The following NFATC1 variants were observed in gnomAD, a reference collection of about 807,000 sequenced individuals.
The protein encoded by NFATC1 is nuclear factor of activated T-cells, cytoplasmic 1.
Under a neutral mutation model 76.0 loss-of-function variants are expected in NFATC1, and 22 were observed. That is an observed-to-expected ratio of 0.29 (90% CI 0.21 to 0.41). The LOEUF is 0.41. Ranked by LOEUF, NFATC1 falls within the 10% of genes least tolerant of loss-of-function variation. The pLI is 1.00. For synonymous variants in NFATC1, 704 were observed against 613.1 expected (o/e 1.15, Z -2.19); for missense variants, 1,357 against 1,337.7 (o/e 1.01, Z -0.23).
chr18:79,425,924 A>G (rs1376207822), intron 2 of NFATC1, among the ~76,000 whole-genome samples: 2 of 152,346 alleles, frequency 1.3e-5, no homozygotes, highest in East Asian at 3.9e-4. Flanking sequence ...ACGATAAATG[A>G]GTCCTGCACC....
intron 2 of NFATC1, among the ~76,000 whole-genome samples, chr18:79,412,462 AC>A (rs1285333105): frequency 3.0e-5 from 2 of 66,964 alleles, no homozygotes; most frequent in South Asian, 4.6e-4. Context: ...GTCCCTCCCC[AC>A]CCCCCACTCC....
chr18:79,473,505 C>T (rs2088873093), intron 8 of NFATC1, among the ~76,000 whole-genome samples: 2 of 150,618 alleles, frequency 1.3e-5, no homozygotes, highest in East Asian at 2.0e-4. Context: ...TCACTATCGA[C>T]GTAAACCTGA....
At chr18:79,483,322 TG>T (rs1229569908) in intron 8 of NFATC1, among the ~76,000 whole-genome samples, 3 of 125,654 alleles carry the variant, frequency 2.4e-5, no homozygotes, top group African/African-American at 9.5e-5. Flanking sequence ...ACCTGGTTCC[TG>T]GGGTGTCATT....
In NFATC1 at chr18:79,524,364, G is replaced by C. The variant is rs1352122178; in HGVS notation, c.2783-3164G>C. 6.6e-6 allele frequency among the ~76,000 whole-genome samples: 1 copy of C among 152,226 alleles called. No homozygotes were observed. Among genetic ancestry groups the C allele is most frequent in the Admixed American group, 6.5e-5 (1 of 15,292 alleles). ...TCGTCCGCGGTGTGGATGGGTGGGC[G>C]GTACAGCCTCCTCTGCGGTTCGGTT... On this transcript the variant is annotated intron_variant, in intron 9 of 9. Transcript: ENST00000427363. This position sits in a 1 kb window ranked among gnomAD's most constrained non-coding sequence, Gnocchi z 7.2.
At position 79,433,690 on chromosome 18, in the gene NFATC1, C is replaced by A; in HGVS notation, c.1338C>A (p.Gly446=). ...SHHRAHYETE[G]SRGAVKASAG... ...ACCGAGCCCACTACGAGACGGAGGG[C>A]AGCCGGGGGGCCGTGAAGGCGTCGG... Residue 446 remains glycine (G), a synonymous_variant, in exon 3 of 10, where the codon GGC becomes GGA. Transcript: ENST00000427363. 6.2e-7 allele frequency: 1 copy of A among 1,613,196 alleles called. No homozygotes were observed.
rs773511532 is a variant in NFATC1 at position 79,448,971 on chromosome 18, A to G, written c.1576A>G (p.Ser526Gly). 17 of 1,613,194 alleles carry G rather than the reference A, an allele frequency of 1.1e-5. No homozygotes were observed. In the South Asian group the frequency reaches 1.6e-4, roughly 16 times the overall value. ...VLEIPLLPEN[S>G]MRAVIDCAGI... ...GGAGATCCCACTCCTGCCGGAGAAC[A>G]GCATGCGAGCCGTGTAAGCCGCGGG... is the stretch of plus-strand genomic sequence containing the variant. Residue 526 changes from serine (S) to glycine (G), a missense_variant, in exon 4 of 10, where the codon AGC (serine) becomes GGC (glycine). This residue lies in a region of NFATC1 where 242 missense variants were observed against 329.2 expected (regional missense o/e 0.74). Coordinates refer to ENST00000427363, the MANE Select transcript of NFATC1 (RefSeq NM_001278669.2).
intron 9 of NFATC1, 22 bp from the exon 10 acceptor site, chr18:79,527,506 C>G: frequency 1.2e-6 from 2 of 1,606,270 alleles, no homozygotes; most frequent in African/African-American, 1.3e-5. Context: ...CTAATACTTT[C>G]TCAATTTTTC....
chr18:79,429,373 T>C (rs753123138), intron 2 of NFATC1, among the ~76,000 whole-genome samples: 1 of 152,136 alleles, frequency 6.6e-6, no homozygotes, highest in Non-Finnish European at 1.5e-5. Flanking sequence ...CCGAGCTTTT[T>C]TTTTTATTTT....
chr18:79,407,416 G>A (rs973825693), intron 1 of NFATC1, among the ~76,000 whole-genome samples: 1 of 152,176 alleles, frequency 6.6e-6, no homozygotes, highest in Admixed American at 6.5e-5. Context: ...CCCTGCCTGT[G>A]GCTCTGGGGA....
chr18:79,520,208 C>T (rs2090482136), intron 9 of NFATC1, among the ~76,000 whole-genome samples: 1 of 138,804 alleles, frequency 7.2e-6, no homozygotes, highest in Admixed American at 7.7e-5. Context: ...GGGGATCCCC[C>T]GCTGCGCTGC....
intron 3 of NFATC1, among the ~76,000 whole-genome samples, chr18:79,434,780 T>G (rs903562844): frequency 6.6e-6 from 1 of 152,238 alleles, no homozygotes; most frequent in African/African-American, 2.4e-5. Flanking sequence ...AAATGGCTGT[T>G]TGCCAACGCA....
intron 1 of NFATC1, chr18:79,400,617 G>A: frequency 1.3e-6 from 1 of 761,948 alleles, no homozygotes; most frequent in Non-Finnish European, 1.8e-6. Flanking sequence ...GCTACGGCGG[G>A]GGACGCTGCA....
At chr18:79,444,189 TGTG>T (rs535298157) in intron 3 of NFATC1, among the ~76,000 whole-genome samples, 20 of 152,170 alleles carry the variant, frequency 1.3e-4, no homozygotes, top group East Asian at 9.7e-4. Context: ...GCTTGTCACA[TGTG>T]GTGTGTGTGT....
At chr18:79,413,564 A>G (rs1044437189) in intron 2 of NFATC1, among the ~76,000 whole-genome samples, 1 of 152,092 alleles carries the variant, frequency 6.6e-6, no homozygotes, top group African/African-American at 2.4e-5. Flanking sequence ...TTTGAACTTG[A>G]TCGCTCTGTA....
At chr18:79,503,679 G>A (rs2090060252) in intron 9 of NFATC1, among the ~76,000 whole-genome samples, 2 of 152,208 alleles carry the variant, frequency 1.3e-5, no homozygotes, top group African/African-American at 4.8e-5. Context: ...CCCTACCAAG[G>A]GGGTCAGCCT....
chr18:79,413,955 T>C (rs896120981), intron 2 of NFATC1, among the ~76,000 whole-genome samples: 5 of 152,230 alleles, frequency 3.3e-5, no homozygotes, highest in Non-Finnish European at 7.3e-5. Context: ...GTAACATTTC[T>C]GAGTGTTCAC....
rs144881587 is a variant in NFATC1, at chr18:79,462,332, TTTTG to T, written c.1959+974_1959+977del. On this transcript the variant is annotated intron_variant, in intron 7 of 9. Coordinates refer to ENST00000427363, the MANE Select transcript of NFATC1 (RefSeq NM_001278669.2). Reference sequence around the variant, plus strand: ...AGACCATTGATGTTTAGGTCTTTAGTTTTGTTTGTTTTTGTTTTTTTGAAACAGA... The same window carrying T: ...AGACCATTGATGTTTAGGTCTTTAGTTTTGTTTTTGTTTTTTTGAAACAGA... Among the ~76,000 whole-genome samples the T allele has an allele frequency of 5.3e-3, 800 of 152,228 alleles. 7 individuals carry two copies. The highest frequency in any genetic ancestry group is 0.018 in the African/African-American group (762 of 41,542).
In NFATC1 at chr18:79,400,482, G is replaced by A. The variant is rs769799071; in HGVS notation, c.127+4131G>A. 3 of 1,479,456 alleles carry A rather than the reference G, an allele frequency of 2.0e-6. No individual in the cohort carries two copies. In the South Asian group the frequency reaches 3.9e-5, roughly 19 times the overall value. 91.6% of individuals were successfully genotyped at this position (1,479,456 alleles called of 1,614,324 possible). On this transcript the variant is annotated intron_variant, in intron 1 of 9. Transcript: ENST00000427363. ...GGGCGCCGCCGCGGCCGCCCCAGGTGGGTCAGTCCCGGAGGGCGCGGGGGG... is the reference window on the plus strand; with the variant it reads ...GGGCGCCGCCGCGGCCGCCCCAGGTAGGTCAGTCCCGGAGGGCGCGGGGGG...
intron 7 of NFATC1, 114 bp from the exon 8 acceptor site, chr18:79,467,311 TTGCCGTGTGGCCGCCGTGGAAACGC>T: frequency 1.3e-6 from 1 of 760,138 alleles, no homozygotes; most frequent in African/African-American, 2.7e-5. Flanking sequence ...AAACGCGGGG[TTGCCGTGTGGCCGCCGTGGAAACGC>T]GGGGTTGCCG....
Sources: gnomAD v4.1 joint callset for allele counts (sites outside exome capture counted in the v4.1 genomes callset) on GRCh38, gnomAD v4.1.1 for gene constraint, gnomAD v4.1.1 regional missense constraint, Gnocchi (gnomAD v3.1) non-coding constraint, MANE v1.5 for transcripts, NCBI Gene and HGNC (gene_info 2026-07-23, HGNC 2026-07-21) for gene names.